Variants in SAMD5 observed in about 807,000 individuals in gnomAD.
SAMD5 encodes sterile alpha motif domain-containing protein 5.
A neutral mutation model predicts 11.3 loss-of-function variants in SAMD5; 13 were observed. The observed-to-expected ratio is 1.15, with a 90% CI of 0.75 to 1.83. The LOEUF (loss-of-function observed/expected upper bound fraction) is 1.83. Among genes scored for constraint, SAMD5 ranks in the 40% most tolerant of loss-of-function variants. The probability of loss-of-function intolerance (pLI) is 0.00; values close to 1 mark genes in which losing one functional copy is unlikely to be tolerated. For synonymous variants in SAMD5, 129 were observed against 111.3 expected (o/e 1.16, Z -1.00); for missense variants, 255 against 239.1 (o/e 1.07, Z -0.44).
rs1172694444 is a variant in SAMD5, at chr6:147,640,497, C to CAAAAAAAAAAAAAA, written c.163-96808_163-96795dup. The stretch of plus-strand genomic sequence containing the variant: ...GGGTGACAAGAGCAAGACTCTGTCG[C>CAAAAAAAAAAAAAA]AAAAAAAAAAAAAAAAAAAAAAAAA... On this transcript the variant is annotated intron_variant, in intron 1 of 1. Coordinates refer to the SAMD5 transcript ENST00000566741. 7.9e-4 allele frequency among the ~76,000 whole-genome samples: 19 copies of CAAAAAAAAAAAAAA among 24,188 alleles called. 1 individual carries two copies. The highest frequency in any genetic ancestry group is 3.8e-3 in the East Asian group (2 of 530). 15.9% of individuals were successfully genotyped at this position (24,188 alleles called of 152,430 possible).
chr6:147,817,209 C>A, the SAMD5 span, among the ~76,000 whole-genome samples: 73 of 152,316 alleles, frequency 4.8e-4, no homozygotes, highest in African/African-American at 1.7e-3. Flanking sequence ...ATGTCATATT[C>A]ATATTTATAT....
At chr6:147,745,402 T>C in the SAMD5 span, among the ~76,000 whole-genome samples, 1 of 152,382 alleles carries the variant, frequency 6.6e-6, no homozygotes, top group African/African-American at 2.4e-5. Flanking sequence ...TTAACAATGA[T>C]ATCTGATATT....
intron 1 of SAMD5, among the ~76,000 whole-genome samples, chr6:147,564,095 T>A (rs1284068830): frequency 7.1e-6 from 1 of 140,970 alleles, no homozygotes. Context: ...GGTATATTTT[T>A]ATCTAACCAT....
intron 1 of SAMD5, among the ~76,000 whole-genome samples, chr6:147,644,604 GTC>G (rs1790369378): frequency 6.6e-6 from 1 of 152,126 alleles, no homozygotes; most frequent in Non-Finnish European, 1.5e-5. Context: ...TAATTAGAGA[GTC>G]TTAGAACTTG....
the SAMD5 span, among the ~76,000 whole-genome samples, chr6:147,901,987 T>G: frequency 6.6e-6 from 1 of 152,284 alleles, no homozygotes; most frequent in African/African-American, 2.4e-5. Context: ...AATGGCCACC[T>G]GTCCTCATTC....
the SAMD5 span, among the ~76,000 whole-genome samples, chr6:147,933,075 G>A: frequency 6.6e-6 from 1 of 152,186 alleles, no homozygotes; most frequent in Admixed American, 6.6e-5. Context: ...TTGACAGCTT[G>A]CACAGTTTCT....
At chr6:147,924,975 A>C in the SAMD5 span, among the ~76,000 whole-genome samples, 1 of 152,106 alleles carries the variant, frequency 6.6e-6, no homozygotes, top group Admixed American at 6.6e-5. Flanking sequence ...AATGTCTTGT[A>C]TTTACTCAGG....
chr6:147,566,012 C>G lies in SAMD5; in HGVS notation c.*1556C>G, dbSNP rs748400144. 82 of 985,132 alleles carry G rather than the reference C, an allele frequency of 8.3e-5. No individual in the cohort carries two copies. Among genetic ancestry groups the G allele is most frequent in the Non-Finnish European group, 9.9e-5 (82 of 829,804 alleles). The allele number at this position is 985,132 out of a possible 1,614,324, so 61.0% of individuals were successfully genotyped here. ...TCTCAAAGGAAAAGAAACTTACATTCACTTTTTCCTGGTCCATTTTGGTTC... is the reference window on the plus strand; with the variant it reads ...TCTCAAAGGAAAAGAAACTTACATTGACTTTTTCCTGGTCCATTTTGGTTC... On this transcript the variant is annotated 3_prime_UTR_variant, in exon 2 of 2. Coordinates refer to ENST00000367474, the MANE Select transcript of SAMD5 (RefSeq NM_001030060.3).
At chr6:147,916,916 A>G in the SAMD5 span, among the ~76,000 whole-genome samples, 2 of 150,338 alleles carry the variant, frequency 1.3e-5, no homozygotes, top group Non-Finnish European at 3.0e-5. Flanking sequence ...GTAGTATTCC[A>G]TGGTGTATAT....
At position 147,565,392 on chromosome 6, in the gene SAMD5, G is replaced by T. The variant is rs1033831876; in HGVS notation, c.*936G>T. On this transcript the variant is annotated 3_prime_UTR_variant, in exon 2 of 2. Transcript: ENST00000367474. ...AAAAGAAAGTAGATTGAGGTGGGGG[G>T]AGGAAATTAACAGGAATCTAGAGTT... 6 of 985,602 alleles carry T rather than the reference G, an allele frequency of 6.1e-6. No individual in the cohort carries two copies. The African/African-American group carries it at 7.0e-5, about 11-fold the overall frequency. 61.1% of individuals were successfully genotyped at this position (985,602 alleles called of 1,614,324 possible).
chr6:147,716,655 C>T (rs7764867), intron 1 of SAMD5, among the ~76,000 whole-genome samples: 62,962 of 152,104 alleles, frequency 0.41, 14,293 homozygotes, highest in Non-Finnish European at 0.49. Flanking sequence ...GAGCACCCAG[C>T]CCCAGCTACA....
the SAMD5 span, among the ~76,000 whole-genome samples, chr6:147,888,001 G>C: frequency 1.3e-5 from 2 of 152,010 alleles, no homozygotes. Context: ...ATTTTATATT[G>C]GATTGTTTTT....
chr6:147,541,258 C>G (rs1195341435), intron 1 of SAMD5, among the ~76,000 whole-genome samples: 2 of 152,120 alleles, frequency 1.3e-5, no homozygotes, highest in Admixed American at 6.5e-5. Context: ...CCCTTCAAGC[C>G]ACTTTACCAG....
At chr6:147,934,893 G>A in the SAMD5 span, among the ~76,000 whole-genome samples, 1 of 152,176 alleles carries the variant, frequency 6.6e-6, no homozygotes, top group African/African-American at 2.4e-5. Flanking sequence ...GGAACAAGTG[G>A]GCCAAATTGC....
At chr6:147,513,763 G>A (rs1788124835) in intron 1 of SAMD5, among the ~76,000 whole-genome samples, 1 of 152,170 alleles carries the variant, frequency 6.6e-6, no homozygotes, top group Non-Finnish European at 1.5e-5. Flanking sequence ...GTAAGCAAAA[G>A]GAAGGGGTGT....
the SAMD5 span, among the ~76,000 whole-genome samples, chr6:147,863,519 AG>A: frequency 6.6e-6 from 1 of 152,228 alleles, no homozygotes; most frequent in Non-Finnish European, 1.5e-5. Flanking sequence ...CAAAAACTTA[AG>A]TAGAAGGTTG....
chr6:147,590,544 C>T (rs1374188993), intron 1 of SAMD5, among the ~76,000 whole-genome samples: 3 of 152,170 alleles, frequency 2.0e-5, no homozygotes, highest in Non-Finnish European at 4.4e-5. Flanking sequence ...TCCTGAGTAG[C>T]TGGGATTACA....
intron 1 of SAMD5, among the ~76,000 whole-genome samples, chr6:147,617,619 C>T (rs1327618647): frequency 1.3e-5 from 2 of 152,154 alleles, no homozygotes; most frequent in African/African-American, 4.8e-5. Context: ...TGGCAGATGC[C>T]GGAAACAAAT....
chr6:147,647,740 A>G (rs4140557), intron 1 of SAMD5, among the ~76,000 whole-genome samples: 13,629 of 152,230 alleles, frequency 0.09, 911 homozygotes, highest in East Asian at 0.26. Flanking sequence ...TGTCACTCTG[A>G]ACAGATAGAA....
Sources: allele counts gnomAD v4.1 joint callset (sites outside exome capture counted in the v4.1 genomes callset), GRCh38; gene constraint gnomAD v4.1.1; transcripts MANE v1.5; gene names NCBI Gene and HGNC (gene_info 2026-07-23, HGNC 2026-07-21).